LPIN1: variants seen among roughly 807,000 people sequenced by gnomAD.
The protein encoded by LPIN1 is lipin 1.
A neutral mutation model predicts 107.5 loss-of-function variants in LPIN1; 71 were observed. The ratio of observed to expected loss-of-function variants is 0.66; its 90% confidence interval spans 0.55 to 0.80. LPIN1 has a LOEUF of 0.80. Ranked by LOEUF, LPIN1 falls within the 30% of genes least tolerant of loss-of-function variation. The pLI, the probability that LPIN1 is intolerant of heterozygous loss-of-function variation, is 0.00. For missense variants in LPIN1, 1,043 were observed against 1,160.6 expected (o/e 0.90, Z 1.47); for synonymous variants, 445 against 452.6 (o/e 0.98, Z 0.21).
Position 11,708,421 on chromosome 2 carries a change from G to A in LPIN1, c.82-5335G>A, listed in dbSNP as rs1038848894. On this transcript the variant is annotated intron_variant, in intron 1 of 21. Coordinates refer to the LPIN1 transcript ENST00000449576. ...CCTTCGACTGGGAGGAAGCAGGGGA[G>A]CCTAGTCACTGAGATGGGAACCCTG... 2.6e-5 allele frequency among the ~76,000 whole-genome samples: 4 copies of A among 152,248 alleles called. No individual in the cohort carries two copies. In the East Asian group the frequency reaches 7.7e-4, roughly 29 times the overall value.
At position 11,782,374 on chromosome 2, in the gene LPIN1, GT is replaced by G; in HGVS notation, c.1134del (p.Phe378LeufsTer2). On this transcript the variant is annotated frameshift_variant, in exon 8 of 21. Coordinates refer to ENST00000674199, the MANE Select transcript of LPIN1 (RefSeq NM_001349206.2). LOFTEE classifies it high-confidence loss of function. The stretch of plus-strand genomic sequence containing the variant: ...AGAACAAGCCTCAGACAGAAATGCA[GT>G]TTGTGAATGAAGAAGACCTGGAGAC... ...DQNKPQTEMQ[F>X]VNEEDLETLG... is the part of the protein sequence containing the mutation. 1 of 1,614,222 alleles carries G rather than the reference GT, an allele frequency of 6.2e-7. No homozygotes were observed. Among genetic ancestry groups the G allele is most frequent in the Non-Finnish European group, 8.5e-7 (1 of 1,180,038 alleles).
intron 17 of LPIN1, among the ~76,000 whole-genome samples, chr2:11,811,845 C>T (rs561958512): frequency 7.9e-5 from 12 of 151,968 alleles, no homozygotes; most frequent in Non-Finnish European, 1.3e-4. Context: ...ATTAGCTGGG[C>T]GTGGTAGTGC....
intron 1 of LPIN1, among the ~76,000 whole-genome samples, chr2:11,732,901 CTCTCTCTCTCTG>C (rs1665383292): frequency 1.4e-5 from 2 of 146,158 alleles, no homozygotes; most frequent in South Asian, 4.2e-4. Context: ...CTTTCTCTCT[CTCTCTCTCTCTG>C]TGTGTGTGTG....
At chr2:11,797,881 G>C (rs1677004218) in intron 14 of LPIN1, among the ~76,000 whole-genome samples, 1 of 152,176 alleles carries the variant, frequency 6.6e-6, no homozygotes, top group South Asian at 2.1e-4. Flanking sequence ...TCCAGGGGCA[G>C]AATGATATGC....
At chr2:11,729,324 G>T (rs530480817) in intron 1 of LPIN1, among the ~76,000 whole-genome samples, 1 of 147,270 alleles carries the variant, frequency 6.8e-6, no homozygotes, top group South Asian at 2.2e-4. Context: ...TTTTAAAGAA[G>T]TGGAAAAAAG....
intron 1 of LPIN1, among the ~76,000 whole-genome samples, chr2:11,751,481 C>T (rs1044566424): frequency 6.6e-6 from 1 of 152,196 alleles, no homozygotes. Context: ...AGGGGTGAAT[C>T]TTGTGAATCT....
intron 1 of LPIN1, chr2:11,682,621 G>A (rs1485105306): frequency 6.6e-6 from 1 of 152,228 alleles, no homozygotes; most frequent in African/African-American, 2.4e-5. Context: ...AAGTTGGAGT[G>A]CAGGGGACAA....
chr2:11,685,108 G>T (rs1008334864), intron 1 of LPIN1, among the ~76,000 whole-genome samples: 1 of 152,226 alleles, frequency 6.6e-6, no homozygotes. Flanking sequence ...TTTCAATGGG[G>T]AGGTTGGGGA....
chr2:11,745,734 T>C (rs1362600256), upstream of LPIN1, among the ~76,000 whole-genome samples: 1 of 152,212 alleles, frequency 6.6e-6, no homozygotes, highest in Non-Finnish European at 1.5e-5. Flanking sequence ...TGGAATAACA[T>C]TTAAATAATA....
At chr2:11,717,619 C>A (rs1224193531) in intron 2 of LPIN1, among the ~76,000 whole-genome samples, 2 of 151,704 alleles carry the variant, frequency 1.3e-5, no homozygotes, top group Non-Finnish European at 1.5e-5. Flanking sequence ...ATTTGGACGA[C>A]CATATTTTTC....
At chr2:11,690,038 T>C (rs376610703) in intron 1 of LPIN1, among the ~76,000 whole-genome samples, 6 of 152,372 alleles carry the variant, frequency 3.9e-5, no homozygotes, top group African/African-American at 1.4e-4. Flanking sequence ...GGGTACACCC[T>C]TATTTTATTA....
At chr2:11,703,334 T>C (rs1444808282) in intron 1 of LPIN1, among the ~76,000 whole-genome samples, 2 of 152,148 alleles carry the variant, frequency 1.3e-5, no homozygotes, top group Non-Finnish European at 2.9e-5. Context: ...GCCTGGCTCA[T>C]AGTGACCAAT....
upstream of LPIN1, among the ~76,000 whole-genome samples, chr2:11,742,434 T>C (rs1219777980): frequency 6.6e-6 from 1 of 152,214 alleles, no homozygotes; most frequent in African/African-American, 2.4e-5. Context: ...CACTGGAGAA[T>C]GTGAGACTTG....
chr2:11,772,353 C>T (rs1048031253), intron 4 of LPIN1, among the ~76,000 whole-genome samples: 1 of 152,172 alleles, frequency 6.6e-6, no homozygotes, highest in Non-Finnish European at 1.5e-5. Context: ...TAAAGATTTG[C>T]TGTGCTGTAG....
At chr2:11,814,981 C>G in intron 17 of LPIN1, 107 bp from the exon 18 acceptor site, 1 of 1,080,636 alleles carries the variant, frequency 9.3e-7, no homozygotes, top group Non-Finnish European at 1.4e-6. Flanking sequence ...TGTGGGGGAA[C>G]TTGAAACAGT....
At chr2:11,795,594 G>C in intron 14 of LPIN1, 107 bp downstream of exon 14, 1 of 1,041,238 alleles carries the variant, frequency 9.6e-7, no homozygotes, top group East Asian at 2.4e-5. Flanking sequence ...TCCAACTCTG[G>C]CTCTGTGATT....
intron 17 of LPIN1, among the ~76,000 whole-genome samples, chr2:11,813,228 C>G (rs1260637636): frequency 1.3e-5 from 2 of 151,978 alleles, no homozygotes; most frequent in Non-Finnish European, 2.9e-5. Context: ...GGGGTCTGGA[C>G]GGGGTCCATG....
Position 11,762,651 on chromosome 2 carries a change from T to C in LPIN1, c.-9-2882T>C, listed in dbSNP as rs552845210. On this transcript the variant is annotated intron_variant, in intron 1 of 20. Coordinates refer to ENST00000674199, the MANE Select transcript of LPIN1 (RefSeq NM_001349206.2). ...TCAGGAGCAGGGGAGGAAAATGAAA[T>C]ATCATAACAAAAGACATTCCTATCA... Among the ~76,000 whole-genome samples, 42 of 152,296 alleles carry C rather than the reference T, an allele frequency of 2.8e-4. No individual in the cohort carries two copies. The South Asian group carries it at 8.5e-3, about 31-fold the overall frequency.
At chr2:11,805,307 G>A in intron 17 of LPIN1, 151 bp downstream of exon 17, 2 of 707,810 alleles carry the variant, frequency 2.8e-6, no homozygotes, top group South Asian at 3.0e-5. Context: ...AGGGGTAGCA[G>A]TGGAGTCCAG....
Sources: gnomAD v4.1 joint callset for allele counts (sites outside exome capture counted in the v4.1 genomes callset) on GRCh38, gnomAD v4.1.1 for gene constraint, MANE v1.5 for transcripts, NCBI Gene and HGNC (gene_info 2026-07-23, HGNC 2026-07-21) for gene names.